DLC1: variants seen among roughly 807,000 people sequenced by gnomAD.
The protein encoded by DLC1 is rho GTPase-activating protein 7.
DLC1 carries 54 observed loss-of-function variants against 140.3 expected under a neutral mutation model. That is an observed-to-expected ratio of 0.38 (90% CI 0.31 to 0.48). The LOEUF (loss-of-function observed/expected upper bound fraction) is 0.48, where lower values mean the gene tolerates loss of function less well. DLC1 is among the 20% of genes least tolerant of loss of function. DLC1 has a pLI of 0.96. For synonymous variants in DLC1, 986 were observed against 728.1 expected, an observed-to-expected ratio of 1.35 and a Z score of -5.70; for missense variants, 2,536 against 1,907.0, an observed-to-expected ratio of 1.33 and a Z score of -6.14.
At chr8:13,243,432 C>T (rs543082762) in intron 5 of DLC1, among the ~76,000 whole-genome samples, 1 of 152,090 alleles carries the variant, frequency 6.6e-6, no homozygotes, top group South Asian at 2.1e-4. Flanking sequence ...GCCTCCTGTA[C>T]AGCCTGTGAA....
At chr8:13,087,279 G>A (rs889979980) in intron 16 of DLC1, among the ~76,000 whole-genome samples, 1 of 152,206 alleles carries the variant, frequency 6.6e-6, no homozygotes, top group East Asian at 1.9e-4. Flanking sequence ...GCACATGCCT[G>A]CAGTCCCAAC....
chr8:13,351,154 A>G (rs1008866525), intron 4 of DLC1, among the ~76,000 whole-genome samples: 1 of 152,220 alleles, frequency 6.6e-6, no homozygotes, highest in Non-Finnish European at 1.5e-5. Context: ...TAACGAGGCT[A>G]TTTATTCAGC....
chr8:13,460,061 C>T (rs922506646), intron 2 of DLC1, among the ~76,000 whole-genome samples: 5 of 152,282 alleles, frequency 3.3e-5, no homozygotes, highest in African/African-American at 1.2e-4. Context: ...CTGCTCACTG[C>T]TGCAGGACTG....
chr8:13,337,771 A>C (rs1833867708), intron 4 of DLC1, among the ~76,000 whole-genome samples: 2 of 152,216 alleles, frequency 1.3e-5, no homozygotes, highest in African/African-American at 4.8e-5. Flanking sequence ...GTTGTTTAAC[A>C]GGGATAGATT....
chr8:13,211,897 T>C (rs1362506648), intron 5 of DLC1, among the ~76,000 whole-genome samples: 2 of 152,158 alleles, frequency 1.3e-5, no homozygotes, highest in African/African-American at 4.8e-5. Context: ...AACTGTGTAT[T>C]GTATATGTCA....
In DLC1 at chr8:13,170,505, C is replaced by T. The variant is rs572689607; in HGVS notation, c.1349-54848G>A. Among the ~76,000 whole-genome samples the T allele has an allele frequency of 7.8e-4, 118 of 152,124 alleles. 1 individual carries two copies. Among genetic ancestry groups the T allele is most frequent in the Admixed American group, 3.7e-3 (57 of 15,276 alleles). ...CAGCACTTTGCGGGGCCAAGGTGGG[C>T]GGATCATGAGGTCAGGAAATCGAGA... On this transcript the variant is annotated intron_variant, in intron 5 of 17. Coordinates refer to ENST00000276297, the MANE Select transcript of DLC1 (RefSeq NM_182643.3).
At chr8:13,331,175 T>C (rs899844402) in intron 4 of DLC1, among the ~76,000 whole-genome samples, 3 of 152,198 alleles carry the variant, frequency 2.0e-5, no homozygotes, top group Non-Finnish European at 4.4e-5. Context: ...CTATACAGAT[T>C]GGTGGTTTGT....
rs568688011 is a variant in DLC1, at chr8:13,197,365, T to C, written c.1349-81708A>G. 2.0e-5 allele frequency among the ~76,000 whole-genome samples: 3 copies of C among 152,258 alleles called. No homozygotes were observed. In the East Asian group the frequency reaches 5.8e-4, roughly 29 times the overall value. On this transcript the variant is annotated intron_variant, in intron 5 of 17. Transcript: ENST00000276297. ...AATTTTTAATTCAATTTATTTTTTTTGAGATGGGAGTCTTGCTCTGTCGCC... is the reference window on the plus strand; with the variant it reads ...AATTTTTAATTCAATTTATTTTTTTCGAGATGGGAGTCTTGCTCTGTCGCC...
At chr8:13,302,302 C>A (rs1157889534) in intron 5 of DLC1, among the ~76,000 whole-genome samples, 1 of 152,218 alleles carries the variant, frequency 6.6e-6, no homozygotes, top group Admixed American at 6.5e-5. Flanking sequence ...TTGTTCATAA[C>A]TGCTTCCTCA....
At chr8:13,235,196 A>T (rs1829223800) in intron 5 of DLC1, among the ~76,000 whole-genome samples, 1 of 152,052 alleles carries the variant, frequency 6.6e-6, no homozygotes, top group Admixed American at 6.5e-5. Flanking sequence ...AACAGGTATG[A>T]TTATCTTTTA....
At chr8:13,172,925 C>T (rs1825563533) in intron 5 of DLC1, among the ~76,000 whole-genome samples, 1 of 152,186 alleles carries the variant, frequency 6.6e-6, no homozygotes. Flanking sequence ...GATGTTGCTG[C>T]TTCTCTGATT....
chr8:13,127,496 G>C (rs1821680787), intron 5 of DLC1, among the ~76,000 whole-genome samples: 1 of 152,212 alleles, frequency 6.6e-6, no homozygotes, highest in African/African-American at 2.4e-5. Flanking sequence ...ATTTGAAAAA[G>C]AGAACTGTAT....
intron 2 of DLC1, among the ~76,000 whole-genome samples, chr8:13,466,605 T>A (rs559775617): frequency 6.6e-6 from 1 of 152,256 alleles, no homozygotes; most frequent in East Asian, 1.9e-4. Context: ...GGAGGCACCT[T>A]GTAAACATCC....
chr8:13,569,636 A>T (rs570886916), intron 1 of DLC1, among the ~76,000 whole-genome samples: 1 of 152,272 alleles, frequency 6.6e-6, no homozygotes, highest in East Asian at 1.9e-4. Context: ...TTTTCAACTC[A>T]ACCCCAAGCT....
chr8:13,323,673 C>T (rs1378255), intron 4 of DLC1, among the ~76,000 whole-genome samples: 129,667 of 152,138 alleles, frequency 0.85, 55,722 homozygotes, highest in East Asian at 0.95. Flanking sequence ...GGTGAGCATG[C>T]ATAGTCAGGC....
rs138252482 is a variant in DLC1, at chr8:13,483,913, C to G, written c.1023+15136G>C. On this transcript the variant is annotated intron_variant, in intron 2 of 17. Coordinates refer to ENST00000276297, the MANE Select transcript of DLC1 (RefSeq NM_182643.3). ...CCTGGCCAACAGGGTGAACCCAAAT[C>G]TCTACTAAAAGTACAGAAAAAAGCC... is the stretch of plus-strand genomic sequence containing the variant. Among the ~76,000 whole-genome samples the G allele has an allele frequency of 3.7e-3, 564 of 152,114 alleles. 4 individuals are homozygous for G. Among genetic ancestry groups the G allele is most frequent in the African/African-American group, 0.013 (539 of 41,494 alleles).
At chr8:13,183,361 G>A (rs1034553210) in intron 5 of DLC1, among the ~76,000 whole-genome samples, 12 of 152,164 alleles carry the variant, frequency 7.9e-5, no homozygotes, top group African/African-American at 2.9e-4. Flanking sequence ...GGTTGAATAG[G>A]AGTGGTGAGA....
In DLC1 at chr8:13,128,525, G is replaced by C. The variant is rs528541341; in HGVS notation, c.1349-12868C>G. Among the ~76,000 whole-genome samples the C allele has an allele frequency of 4.6e-5, 7 of 152,286 alleles. No homozygotes were observed. The South Asian group carries it at 1.5e-3, about 32-fold the overall frequency. ...AATAGAGAAGTCTCGTTGCTGCCTGGGAGACACTAAGAAAACATATGGGCT... is the reference window on the plus strand; with the variant it reads ...AATAGAGAAGTCTCGTTGCTGCCTGCGAGACACTAAGAAAACATATGGGCT... On this transcript the variant is annotated intron_variant, in intron 5 of 17. Coordinates refer to ENST00000276297, the MANE Select transcript of DLC1 (RefSeq NM_182643.3).
In DLC1 at chr8:13,092,665, T is replaced by A. The variant is rs767895731; in HGVS notation, c.3687A>T (p.Leu1229Phe). The A allele has an allele frequency of 1.9e-6, 3 of 1,614,068 alleles. No individual in the cohort carries two copies. The African/African-American group carries it at 4.0e-5, about 22-fold the overall frequency. The change falls in exon 13 of 18, where the codon TTA becomes TTT. Residue 1229 changes from leucine to phenylalanine, a missense_variant. Leu to Phe is a conservative substitution (Grantham distance 22, BLOSUM62 0). Coordinates refer to ENST00000276297, the MANE Select transcript of DLC1 (RefSeq NM_182643.3). ...TGTTGAGATGGAAGAGGGAAGGCGC[T>A]AAGCACACGGCCAGGTTGGTTGGGG... ...QMTPTNLAVC[L>F]APSLFHLNTL...
Sources: gnomAD v4.1 joint callset for allele counts (sites outside exome capture counted in the v4.1 genomes callset) on GRCh38, gnomAD v4.1.1 for gene constraint, MANE v1.5 for transcripts, NCBI Gene and HGNC (gene_info 2026-07-23, HGNC 2026-07-21) for gene names.